The following PSMA5 variants were observed in gnomAD, a reference collection of about 807,000 sequenced individuals.
PSMA5 encodes the protein proteasome subunit alpha type-5.
PSMA5 carries 3 observed loss-of-function variants against 34.5 expected under a neutral mutation model. The observed-to-expected ratio is 0.09, with a 90% CI of 0.04 to 0.22. The LOEUF is 0.22. Ranked by LOEUF, PSMA5 falls within the 10% of genes least tolerant of loss-of-function variation. The pLI, the probability that PSMA5 is intolerant of heterozygous loss-of-function variation, is 1.00. For synonymous variants in PSMA5, 88 were observed against 95.8 expected, an observed-to-expected ratio of 0.92 and a Z score of 0.47; for missense variants, 120 against 286.1, an observed-to-expected ratio of 0.42 and a Z score of 4.19.
At chr1:109,415,209 T>C in intron 3 of PSMA5, 28 bp downstream of exon 3, 2 of 1,606,744 alleles carry the variant, frequency 1.2e-6, no homozygotes, top group Non-Finnish European at 8.5e-7. Context: ...GACCAGATCC[T>C]ACAGAACAGC....
chr1:109,426,137 G>C (rs904647334), intron 1 of PSMA5, 165 bp downstream of exon 1: 1 of 879,240 alleles, frequency 1.1e-6, no homozygotes, highest in African/African-American at 1.7e-5. Context: ...ATGTGGTCTA[G>C]CTTGGGGAAG....
chr1:109,421,452 G>C (rs991220809), intron 2 of PSMA5, among the ~76,000 whole-genome samples: 10 of 142,238 alleles, frequency 7.0e-5, no homozygotes, highest in African/African-American at 2.7e-4. Context: ...AACTGAGAGA[G>C]ACTCCATCTC....
intron 4 of PSMA5, chr1:109,412,783 A>G (rs1654048365): frequency 3.4e-6 from 1 of 293,386 alleles, no homozygotes; most frequent in African/African-American, 2.2e-5. Context: ...TGATGCTCCC[A>G]CACAAAGTCA....
intron 1 of PSMA5, 132 bp downstream of exon 1, chr1:109,426,170 C>G: frequency 8.1e-7 from 1 of 1,241,632 alleles, no homozygotes; most frequent in Non-Finnish European, 1.2e-6. Flanking sequence ...CTGAGGAGGG[C>G]ATAACATCCC....
rs1195316811 is a variant in PSMA5 at position 109,401,337 on chromosome 1, G to C, written c.*676C>G. On this transcript the variant is annotated 3_prime_UTR_variant, in exon 9 of 9. Coordinates refer to ENST00000271308, the MANE Select transcript of PSMA5 (RefSeq NM_002790.4). ...CAAGAACTGGTACAACACTGTTGAT[G>C]GCTGATTCCAACCCATCAATGTTTT... The C allele has an allele frequency of 1.3e-5, 2 of 152,116 alleles. No homozygotes were observed. The highest frequency in any genetic ancestry group is 2.9e-5 in the Non-Finnish European group (2 of 68,028). 9.4% of individuals were successfully genotyped at this position (152,116 alleles called of 1,614,324 possible).
chr1:109,416,218 C>A (rs1463387943), intron 2 of PSMA5, among the ~76,000 whole-genome samples: 1 of 152,188 alleles, frequency 6.6e-6, no homozygotes, highest in African/African-American at 2.4e-5. Context: ...TATAACCTGA[C>A]TGATCTAATA....
chr1:109,406,672 AAAAC>A (rs945866457), intron 8 of PSMA5, among the ~76,000 whole-genome samples: 3 of 152,232 alleles, frequency 2.0e-5, no homozygotes, highest in African/African-American at 7.2e-5. Context: ...ATCTCTTAAA[AAAAC>A]AAACAAAAAC....
At chr1:109,407,236 C>A (rs1653804198) in intron 8 of PSMA5, among the ~76,000 whole-genome samples, 2 of 152,190 alleles carry the variant, frequency 1.3e-5, no homozygotes, top group Non-Finnish European at 2.9e-5. Flanking sequence ...ATCCGCCAGC[C>A]TCGGCCTCCC....
At chr1:109,423,552 T>C (rs1345145775) in intron 1 of PSMA5, among the ~76,000 whole-genome samples, 1 of 152,246 alleles carries the variant, frequency 6.6e-6, no homozygotes, top group African/African-American at 2.4e-5. Flanking sequence ...CAGTTTGAAA[T>C]ATTATCTCTT....
intron 8 of PSMA5, among the ~76,000 whole-genome samples, chr1:109,405,832 G>T (rs1435709914): frequency 6.6e-6 from 1 of 152,194 alleles, no homozygotes; most frequent in Admixed American, 6.5e-5. Flanking sequence ...GACTGAAATG[G>T]AGGAGGGCAA....
rs950096465 is a variant in PSMA5, at chr1:109,402,067, C to G, written c.672G>C (p.Gln224His). ...NIELATVQPG[Q>H]NFHMFTKEEL... The stretch of plus-strand genomic sequence containing the variant: ...CTTCCTTTGTGAACATGTGGAAATT[C>G]TGGCCAGGCTGCACTGTGGCTAGCT... The change falls in exon 9 of 9, where the codon CAG becomes CAC. Residue 224 changes from glutamine to histidine, a missense_variant. This residue lies in a region of PSMA5 where 83 missense variants were observed against 203.2 expected (regional missense o/e 0.41). Transcript: ENST00000271308. The G allele has an allele frequency of 1.2e-6, 2 of 1,612,814 alleles. No homozygotes were observed. The highest frequency in any genetic ancestry group is 3.3e-5 in the Admixed American group (2 of 59,820).
intron 8 of PSMA5, among the ~76,000 whole-genome samples, chr1:109,405,108 C>T (rs551550111): frequency 5.3e-5 from 8 of 152,248 alleles, no homozygotes; most frequent in African/African-American, 1.7e-4. Flanking sequence ...TGGAATATGA[C>T]GTGAAAAGGA....
intron 8 of PSMA5, among the ~76,000 whole-genome samples, chr1:109,407,733 C>G (rs983060232): frequency 5.3e-5 from 8 of 152,022 alleles, no homozygotes; most frequent in Non-Finnish European, 1.0e-4. Context: ...CCTCTACTGC[C>G]CAGGTTCAAG....
rs1343103436 is a variant in PSMA5, at chr1:109,401,355, A to G, written c.*658T>C. ...TGTTGATGGCTGATTCCAACCCATC[A>G]ATGTTTTGAGGAGGACCTCAAAACA... On this transcript the variant is annotated 3_prime_UTR_variant, in exon 9 of 9. Transcript: ENST00000271308. 1 of 152,162 alleles carries G rather than the reference A, an allele frequency of 6.6e-6. No individual in the cohort carries two copies. The highest frequency in any genetic ancestry group is 1.9e-4 in the East Asian group (1 of 5,188). 9.4% of individuals were successfully genotyped at this position (152,162 alleles called of 1,614,324 possible). A position where few individuals can be genotyped will look rare whatever the true frequency, so the allele number is the denominator to read the frequency against.
intron 8 of PSMA5, among the ~76,000 whole-genome samples, chr1:109,404,682 TTTA>T (rs377519322): frequency 7.7e-4 from 118 of 152,374 alleles, no homozygotes; most frequent in African/African-American, 2.7e-3. Context: ...TACTTTTCTA[TTTA>T]TTATCTCACT....
rs116669446 is a variant in PSMA5, at chr1:109,407,927, C to A, written c.648+2001G>T. The stretch of plus-strand genomic sequence containing the variant: ...CCCAAAGTGCTGGGATTACTGGCCT[C>A]AACTACGATTTTAATATGGCCCAGC... On this transcript the variant is annotated intron_variant, in intron 8 of 8. Transcript: ENST00000271308. 8.9e-3 allele frequency among the ~76,000 whole-genome samples: 1,350 copies of A among 152,124 alleles called. 26 individuals carry two copies. The highest frequency in any genetic ancestry group is 0.031 in the African/African-American group (1,288 of 41,526).
chr1:109,412,745 A>G (rs1654045651), intron 4 of PSMA5: 1 of 225,404 alleles, frequency 4.4e-6, no homozygotes, highest in Non-Finnish European at 8.6e-6. Flanking sequence ...AGGGGAGAAT[A>G]TCCTTTAACT....
chr1:109,413,002 C>T, intron 4 of PSMA5, 66 bp downstream of exon 4: 1 of 1,364,926 alleles, frequency 7.3e-7, no homozygotes, highest in Non-Finnish European at 1.0e-6. Flanking sequence ...ATAGCCCAGG[C>T]AGCTAGATAA....
intron 8 of PSMA5, among the ~76,000 whole-genome samples, chr1:109,408,873 T>C (rs1232256698): frequency 6.6e-6 from 1 of 152,038 alleles, no homozygotes; most frequent in Non-Finnish European, 1.5e-5. Context: ...GTATTTTTAG[T>C]AGAGATGGGG....
Sources: allele counts gnomAD v4.1 joint callset (sites outside exome capture counted in the v4.1 genomes callset), GRCh38; gene constraint gnomAD v4.1.1; regional missense constraint gnomAD v4.1.1; transcripts MANE v1.5; gene names NCBI Gene and HGNC (gene_info 2026-07-23, HGNC 2026-07-21).